TRERF1: variants seen among roughly 807,000 people sequenced by gnomAD.
The protein encoded by TRERF1 is transcriptional regulating factor 1, also known as transcriptional-regulating factor 1.
A neutral mutation model predicts 122.9 loss-of-function variants in TRERF1; 27 were observed. That is an observed-to-expected ratio of 0.22 (90% CI 0.16 to 0.30). TRERF1 has a LOEUF of 0.30. TRERF1 is among the 10% of genes least tolerant of loss of function. The pLI, the probability that TRERF1 is intolerant of heterozygous loss-of-function variation, is 1.00. For missense variants in TRERF1, 1,248 were observed against 1,560.3 expected (o/e 0.80, Z 3.37); for synonymous variants, 636 against 641.7 (o/e 0.99, Z 0.13).
At chr6:42,247,356 T>A (rs997274802) in intron 13 of TRERF1, among the ~76,000 whole-genome samples, 1 of 152,222 alleles carries the variant, frequency 6.6e-6, no homozygotes, top group Admixed American at 6.5e-5. Flanking sequence ...AGCTTAACAT[T>A]TCTAAGTGCT....
intron 15 of TRERF1, among the ~76,000 whole-genome samples, chr6:42,241,298 T>C (rs1241078040): frequency 6.6e-6 from 1 of 152,234 alleles, no homozygotes; most frequent in Non-Finnish European, 1.5e-5. Context: ...ATCCTGAATG[T>C]AGAATACTGC....
chr6:42,298,711 G>A (rs890852074), intron 4 of TRERF1, among the ~76,000 whole-genome samples: 61 of 151,864 alleles, frequency 4.0e-4, no homozygotes, highest in African/African-American at 1.4e-3. Flanking sequence ...AGGCCGAGAC[G>A]GGTGGATCAC....
At chr6:42,403,903 C>T (rs559391488) in intron 2 of TRERF1, among the ~76,000 whole-genome samples, 1 of 152,204 alleles carries the variant, frequency 6.6e-6, no homozygotes, top group East Asian at 1.9e-4. Context: ...TGGGCTCATC[C>T]GCACTGACAG....
intron 2 of TRERF1, among the ~76,000 whole-genome samples, chr6:42,436,231 T>C (rs1225616691): frequency 1.3e-5 from 2 of 151,336 alleles, no homozygotes; most frequent in African/African-American, 4.9e-5. Context: ...TAGCTGGGCG[T>C]GGTGGCAGGT....
chr6:42,270,957 C>G, intron 4 of TRERF1, among the ~76,000 whole-genome samples: 1 of 151,646 alleles, frequency 6.6e-6, no homozygotes, highest in East Asian at 1.9e-4. Flanking sequence ...TTAGTAGAGA[C>G]AGGGTTTCAC....
intron 3 of TRERF1, among the ~76,000 whole-genome samples, chr6:42,303,423 C>T (rs1051774184): frequency 2.0e-5 from 3 of 152,096 alleles, no homozygotes; most frequent in Admixed American, 6.5e-5. Flanking sequence ...ATTACTGAAG[C>T]AAAGTAGGGA....
intron 4 of TRERF1, among the ~76,000 whole-genome samples, chr6:42,292,605 G>A (rs1784480314): frequency 6.6e-6 from 1 of 152,178 alleles, no homozygotes; most frequent in South Asian, 2.1e-4. Flanking sequence ...GCAATTCAAG[G>A]GGTGCAAAAG....
At chr6:42,298,010 A>G (rs1785388291) in intron 4 of TRERF1, among the ~76,000 whole-genome samples, 1 of 152,176 alleles carries the variant, frequency 6.6e-6, no homozygotes, top group Non-Finnish European at 1.5e-5. Flanking sequence ...GAAATGAGAG[A>G]CCAGAAAAAT....
intron 4 of TRERF1, among the ~76,000 whole-genome samples, chr6:42,289,696 A>G (rs1783967152): frequency 6.6e-6 from 1 of 152,212 alleles, no homozygotes; most frequent in African/African-American, 2.4e-5. Context: ...GCTCATCTGT[A>G]AAAGCAGCTC....
chr6:42,277,431 C>T (rs1443050355), intron 4 of TRERF1, among the ~76,000 whole-genome samples: 2 of 152,132 alleles, frequency 1.3e-5, no homozygotes, highest in African/African-American at 4.8e-5. Flanking sequence ...CTTTTTGAAG[C>T]CTCATCCTCC....
Position 42,301,014 on chromosome 6 carries a change from G to C in TRERF1, c.-370-265C>G, listed in dbSNP as rs574403600. The stretch of plus-strand genomic sequence containing the variant: ...CACTTAGGAAACAGAGAGAGAGAGA[G>C]AGACAGACAGACAGACAGACAGACA... On this transcript the variant is annotated intron_variant, in intron 3 of 17. Transcript: ENST00000372922. Among the ~76,000 whole-genome samples the C allele has an allele frequency of 3.0e-4, 45 of 151,914 alleles. No individual in the cohort carries two copies. In the East Asian group the frequency reaches 5.2e-3, roughly 18 times the overall value.
chr6:42,380,830 G>T (rs1775790284), intron 2 of TRERF1, among the ~76,000 whole-genome samples: 1 of 152,222 alleles, frequency 6.6e-6, no homozygotes, highest in African/African-American at 2.4e-5. Context: ...TGGGCCCACA[G>T]AGGGGCCACA....
intron 14 of TRERF1, among the ~76,000 whole-genome samples, chr6:42,244,590 AT>A (rs1269254550): frequency 6.6e-6 from 1 of 151,994 alleles, no homozygotes; most frequent in Admixed American, 6.5e-5. Flanking sequence ...TTGCAACTTG[AT>A]TTTTTTCTCA....
At chr6:42,311,563 G>C (rs1761640931) in intron 3 of TRERF1, among the ~76,000 whole-genome samples, 1 of 151,948 alleles carries the variant, frequency 6.6e-6, no homozygotes, top group Non-Finnish European at 1.5e-5. Context: ...AGGAGATCGA[G>C]ACCATCCTGG....
At chr6:42,290,676 GAGA>G (rs1047748983) in intron 4 of TRERF1, among the ~76,000 whole-genome samples, 8 of 141,454 alleles carry the variant, frequency 5.7e-5, no homozygotes, top group Non-Finnish European at 1.2e-4. Context: ...ACAGCAAGGA[GAGA>G]AGAAGGAAAA....
chr6:42,425,336 G>A (rs981744143), intron 2 of TRERF1, among the ~76,000 whole-genome samples: 1 of 151,698 alleles, frequency 6.6e-6, no homozygotes, highest in African/African-American at 2.4e-5. Context: ...ACATCTCTAT[G>A]GAATAAATAT....
chr6:42,235,590 T>A (rs1481108588), intron 16 of TRERF1, among the ~76,000 whole-genome samples: 1 of 152,214 alleles, frequency 6.6e-6, no homozygotes, highest in Non-Finnish European at 1.5e-5. Flanking sequence ...TTACACACAC[T>A]CCCTTTCAGC....
chr6:42,403,222 T>C (rs1045992713), intron 2 of TRERF1, among the ~76,000 whole-genome samples: 1 of 152,016 alleles, frequency 6.6e-6, no homozygotes, highest in African/African-American at 2.4e-5. Context: ...AAAACGAGGC[T>C]GGTGCTAGGT....
intron 4 of TRERF1, among the ~76,000 whole-genome samples, chr6:42,298,046 CAAAT>C: frequency 6.6e-6 from 1 of 151,664 alleles, no homozygotes; most frequent in Admixed American, 6.6e-5. Context: ...CTAGAAATGA[CAAAT>C]AAATAAAGCA....
Sources: gnomAD v4.1 joint callset for allele counts (sites outside exome capture counted in the v4.1 genomes callset) on GRCh38, gnomAD v4.1.1 for gene constraint, MANE v1.5 for transcripts, NCBI Gene and HGNC (gene_info 2026-07-23, HGNC 2026-07-21) for gene names.